The following FBP2 variants were observed in gnomAD, a reference collection of about 807,000 sequenced individuals.
FBP2 encodes fructose-bisphosphatase 2.
In FBP2, 27 loss-of-function variants were observed where a neutral mutation model predicts 31.6. The observed-to-expected ratio is 0.85, with a 90% CI of 0.63 to 1.18. The LOEUF is 1.18. Among genes scored for constraint, FBP2 ranks in the 50% most tolerant of loss-of-function variants. FBP2 has a pLI of 0.00. For missense variants in FBP2, 421 were observed against 436.1 expected, an observed-to-expected ratio of 0.97 and a Z score of 0.31; for synonymous variants, 168 against 179.8, an observed-to-expected ratio of 0.93 and a Z score of 0.53.
intron 3 of FBP2, among the ~76,000 whole-genome samples, chr9:94,573,268 G>T (rs1056636393): frequency 6.6e-6 from 1 of 152,158 alleles, no homozygotes; most frequent in African/African-American, 2.4e-5. Context: ...AAGACTTTCT[G>T]TTTTTTCAGA....
At chr9:94,585,215 A>G (rs959197613) in intron 2 of FBP2, among the ~76,000 whole-genome samples, 3 of 152,052 alleles carry the variant, frequency 2.0e-5, no homozygotes, top group African/African-American at 7.2e-5. Flanking sequence ...GAAAAGTTAG[A>G]TAATTTGTAA....
At chr9:94,559,582 G>A (rs73525304) in intron 6 of FBP2, among the ~76,000 whole-genome samples, 2,269 of 151,300 alleles carry the variant, frequency 0.015, 85 homozygotes, top group African/African-American at 0.053. Context: ...TCTCTCTGGG[G>A]ACAGCCACAG....
At chr9:94,575,151 T>G (rs1271634723) in intron 3 of FBP2, among the ~76,000 whole-genome samples, 1 of 152,176 alleles carries the variant, frequency 6.6e-6, no homozygotes, top group Non-Finnish European at 1.5e-5. Flanking sequence ...CTTGATAAAT[T>G]TTTACAAATA....
intron 4 of FBP2, chr9:94,568,782 A>G (rs1827231465): frequency 6.6e-6 from 1 of 152,194 alleles, no homozygotes; most frequent in Admixed American, 6.5e-5. Flanking sequence ...CTTCTATATC[A>G]GTGACTTCAA....
chr9:94,580,669 T>C (rs997441062), intron 3 of FBP2, among the ~76,000 whole-genome samples: 3 of 152,248 alleles, frequency 2.0e-5, no homozygotes, highest in African/African-American at 7.2e-5. Context: ...TTTCTGACTT[T>C]CTGCTGGGGT....
At chr9:94,561,033 G>T (rs1470657267) in intron 6 of FBP2, among the ~76,000 whole-genome samples, 1 of 152,082 alleles carries the variant, frequency 6.6e-6, no homozygotes, top group Non-Finnish European at 1.5e-5. Flanking sequence ...CCACAGGAGG[G>T]ACACTGGAGG....
intron 1 of FBP2, among the ~76,000 whole-genome samples, chr9:94,590,886 C>T (rs1270825398): frequency 6.6e-6 from 1 of 152,202 alleles, no homozygotes; most frequent in East Asian, 1.9e-4. Context: ...ACGTCCCCAT[C>T]AGATTAGTTA....
chr9:94,563,091 T>C (rs1350293545), intron 6 of FBP2, among the ~76,000 whole-genome samples: 2 of 152,146 alleles, frequency 1.3e-5, no homozygotes, highest in Non-Finnish European at 2.9e-5. Context: ...TGGTGAACGG[T>C]GGGTGTGAGG....
In FBP2 at chr9:94,587,405, T is replaced by A; in HGVS notation, c.235A>T (p.Asn79Tyr). Reference sequence around the variant, plus strand: ...TGGACCATGTTGATCACCAGGGAATTGGATAGCACATCCAGTTTCTTCACC... The same window carrying A: ...TGGACCATGTTGATCACCAGGGAATAGGATAGCACATCCAGTTTCTTCACC... ...DEVKKLDVLS[N>Y]SLVINMVQSS... The change falls in exon 2 of 7, where the codon AAT becomes TAT. Residue 79 changes from asparagine (N) to tyrosine (Y), a missense_variant. Asn to Tyr is a moderately radical substitution (Grantham distance 143). Transcript: ENST00000375337. 1.2e-6 allele frequency: 2 copies of A among 1,614,082 alleles called. No individual in the cohort carries two copies. The highest frequency in any genetic ancestry group is 2.7e-5 in the African/African-American group (2 of 75,032).
At chr9:94,564,180 ATTC>A (rs1827152188) in intron 5 of FBP2, among the ~76,000 whole-genome samples, 1 of 152,238 alleles carries the variant, frequency 6.6e-6, no homozygotes, top group South Asian at 2.1e-4. Context: ...AAAAATATAC[ATTC>A]TTCTCATCAC....
At chr9:94,564,267 A>G (rs1354378589) in intron 5 of FBP2, among the ~76,000 whole-genome samples, 1 of 152,220 alleles carries the variant, frequency 6.6e-6, no homozygotes, top group Non-Finnish European at 1.5e-5. Context: ...AAAGAACTGA[A>G]CTCATACCAA....
chr9:94,564,302 A>G (rs1326250729), intron 5 of FBP2, among the ~76,000 whole-genome samples: 1 of 152,190 alleles, frequency 6.6e-6, no homozygotes, highest in Non-Finnish European at 1.5e-5. Flanking sequence ...CGGCCATCTC[A>G]TTACTGGGTA....
chr9:94,563,388 C>T lies in FBP2; in HGVS notation c.779G>A (p.Gly260Glu), dbSNP rs772991961. 6.2e-7 allele frequency: 1 copy of T among 1,613,994 alleles called. No individual in the cohort carries two copies. The highest frequency in any genetic ancestry group is 1.3e-5 in the African/African-American group (1 of 74,908). ...GTTGGCTGGGTACAGGAAGATTCCTCCATAGACCAGGGTGCGGTGCACGTC... is the reference window on the plus strand; with the variant it reads ...GTTGGCTGGGTACAGGAAGATTCCTTCATAGACCAGGGTGCGGTGCACGTC... Reference protein sequence around the residue: ...VADVHRTLVYGGIFLYPANQK... With the variant: ...VADVHRTLVYEGIFLYPANQK... Residue 260 changes from glycine (G) to glutamate (E), a missense_variant, in exon 6 of 7, where the codon GGA (glycine) becomes GAA (glutamate). Physicochemically the swap from Gly to Glu is moderately conservative, Grantham distance 98. Transcript: ENST00000375337.
At chr9:94,581,631 A>G (rs941985706) in intron 3 of FBP2, among the ~76,000 whole-genome samples, 1 of 152,190 alleles carries the variant, frequency 6.6e-6, no homozygotes, top group African/African-American at 2.4e-5. Context: ...GGGACAAAAT[A>G]AAAGCTTGGC....
rs372197408 is a variant in FBP2, at chr9:94,587,307, C to G, written c.333G>C (p.Arg111=). The change falls in exon 2 of 7, where the codon CGG becomes CGC. Residue 111 remains arginine, a splice_region_variant and synonymous_variant. Transcript: ENST00000375337. ...KDAIITAKEK[R]GKYVVCFDPL... ...CGGGCACCGCAGCCCCATGACGCAC[C>G]CGCTTCTCCTTGGCGGTGATGATGG... The G allele has an allele frequency of 1.9e-6, 3 of 1,608,340 alleles. No individual in the cohort carries two copies. The highest frequency in any genetic ancestry group is 1.7e-5 in the Admixed American group (1 of 58,738).
intron 3 of FBP2, among the ~76,000 whole-genome samples, chr9:94,579,787 G>A (rs1318234662): frequency 6.6e-6 from 1 of 152,158 alleles, no homozygotes; most frequent in African/African-American, 2.4e-5. Flanking sequence ...GGCCTGAGAG[G>A]ATAACTCTCT....
chr9:94,590,708 A>C (rs1163839744), intron 1 of FBP2, among the ~76,000 whole-genome samples: 1 of 152,224 alleles, frequency 6.6e-6, no homozygotes, highest in African/African-American at 2.4e-5. Context: ...AAGCCTCCAC[A>C]GTGTGGAAAG....
intron 4 of FBP2, chr9:94,570,479 A>T (rs1029567551): frequency 1.3e-5 from 2 of 152,224 alleles, no homozygotes; most frequent in African/African-American, 4.8e-5. Flanking sequence ...TAATAGATGT[A>T]AATTTCATAG....
At chr9:94,560,160 T>C (rs957309933) in intron 6 of FBP2, among the ~76,000 whole-genome samples, 2 of 152,170 alleles carry the variant, frequency 1.3e-5, no homozygotes, top group Non-Finnish European at 2.9e-5. Context: ...GGCCACTGTT[T>C]CCTGCACGAG....
Sources: gnomAD v4.1 joint callset for allele counts (sites outside exome capture counted in the v4.1 genomes callset) on GRCh38, gnomAD v4.1.1 for gene constraint, MANE v1.5 for transcripts, NCBI Gene and HGNC (gene_info 2026-07-23, HGNC 2026-07-21) for gene names.